CADPS: variants seen among roughly 807,000 people sequenced by gnomAD.
CADPS encodes the protein calcium dependent secretion activator, also known as calcium-dependent secretion activator 1.
CADPS carries 57 observed loss-of-function variants against 167.3 expected under a neutral mutation model. That is an observed-to-expected ratio of 0.34 (90% CI 0.28 to 0.42). The LOEUF is 0.42. CADPS is among the 20% of genes least tolerant of loss of function. The pLI is 1.00. For missense variants in CADPS, 1,414 were observed against 1,738.1 expected, an observed-to-expected ratio of 0.81 and a Z score of 3.32; for synonymous variants, 676 against 635.3, an observed-to-expected ratio of 1.06 and a Z score of -0.96.
chr3:62,571,018 G>C (rs2081191120), intron 8 of CADPS, 80 bp from the exon 9 acceptor site: 1 of 971,890 alleles, frequency 1.0e-6, no homozygotes, highest in African/African-American at 1.6e-5. Flanking sequence ...GTGAAGCTTG[G>C]TACTTATAAA....
chr3:62,540,035 C>T (rs1416156680), intron 11 of CADPS, among the ~76,000 whole-genome samples: 1 of 152,068 alleles, frequency 6.6e-6, no homozygotes, highest in Non-Finnish European at 1.5e-5. Context: ...GTACCTAGGG[C>T]CCTGGCATAT....
chr3:62,675,508 A>G (rs1392524412), intron 3 of CADPS, among the ~76,000 whole-genome samples: 2 of 152,186 alleles, frequency 1.3e-5, no homozygotes. Context: ...AAAGGCAAAT[A>G]TGACCTTGGC....
chr3:62,699,683 C>T (rs1265515874), intron 3 of CADPS, among the ~76,000 whole-genome samples: 6 of 152,112 alleles, frequency 3.9e-5, no homozygotes, highest in Non-Finnish European at 7.4e-5. Flanking sequence ...ATTTTCCTGC[C>T]TCAGCTTCCT....
chr3:62,579,056 C>A (rs2082877749), intron 8 of CADPS, among the ~76,000 whole-genome samples: 1 of 152,194 alleles, frequency 6.6e-6, no homozygotes, highest in Non-Finnish European at 1.5e-5. Flanking sequence ...GTGTTACAAA[C>A]TGTATTCCTT....
intron 3 of CADPS, among the ~76,000 whole-genome samples, chr3:62,706,997 A>G (rs561272745): frequency 7.2e-5 from 11 of 152,100 alleles, no homozygotes; most frequent in Non-Finnish European, 1.2e-4. Flanking sequence ...ATTTATACAA[A>G]AAAAGGATTC....
Position 62,874,603 on chromosome 3 carries a change from G to C in CADPS, c.427C>G (p.Arg143Gly). 6.4e-7 allele frequency: 1 copy of C among 1,554,316 alleles called. No homozygotes were observed. Among genetic ancestry groups the C allele is most frequent in the Non-Finnish European group, 8.7e-7 (1 of 1,148,518 alleles). Residue 143 changes from arginine (R) to glycine (G), a missense_variant, in exon 1 of 30, where the codon CGC becomes GGC. Coordinates refer to ENST00000383710, the MANE Select transcript of CADPS (RefSeq NM_003716.4). This position sits in a 1 kb window ranked among gnomAD's most constrained non-coding sequence, Gnocchi z 7.1. ...FNAKQPTDMA[R>G]RQQKISKQQL... ...GGCGCACCTACCTTCTGCTGCCGGC[G>C]AGCCATGTCGGTGGGCTGCTTGGCA... is the stretch of plus-strand genomic sequence containing the variant.
At chr3:62,574,088 T>A (rs1349549009) in intron 8 of CADPS, among the ~76,000 whole-genome samples, 2 of 152,168 alleles carry the variant, frequency 1.3e-5, no homozygotes, top group South Asian at 4.1e-4. Context: ...CCCATCTCAT[T>A]CCATCCCCAC....
At chr3:62,618,307 T>C (rs938985304) in intron 6 of CADPS, among the ~76,000 whole-genome samples, 2 of 152,058 alleles carry the variant, frequency 1.3e-5, no homozygotes, top group African/African-American at 4.8e-5. Context: ...GATCCAGTCA[T>C]GCCTATAGCC....
chr3:62,442,995 T>A (rs2056610235), intron 27 of CADPS, among the ~76,000 whole-genome samples: 2 of 152,368 alleles, frequency 1.3e-5, no homozygotes, highest in South Asian at 4.1e-4. Flanking sequence ...ATAATATTAT[T>A]AGCTATTAAA....
intron 3 of CADPS, among the ~76,000 whole-genome samples, chr3:62,723,290 C>G (rs1364031820): frequency 1.3e-5 from 2 of 152,140 alleles, no homozygotes; most frequent in East Asian, 3.9e-4. Flanking sequence ...CCGATGAACG[C>G]CAGTAGATAC....
chr3:62,551,034 C>A (rs1199466789), intron 10 of CADPS: 4 of 420,636 alleles, frequency 9.5e-6, no homozygotes, highest in South Asian at 7.0e-5. Flanking sequence ...TCCTTAGAAG[C>A]ACCCTCTCTC....
At chr3:62,858,839 A>G (rs2080203355) in intron 1 of CADPS, among the ~76,000 whole-genome samples, 1 of 152,164 alleles carries the variant, frequency 6.6e-6, no homozygotes, top group Non-Finnish European at 1.5e-5. Context: ...GCTTTATGAT[A>G]GGCAGGTTAA....
intron 19 of CADPS, 28 bp downstream of exon 19, chr3:62,493,614 CTCT>C (rs777584399): frequency 3.3e-5 from 51 of 1,543,122 alleles, no homozygotes; most frequent in African/African-American, 1.1e-4. Context: ...GGGTCCACCT[CTCT>C]TCTTTCACGA....
chr3:62,587,469 G>A (rs1360132569), intron 7 of CADPS, among the ~76,000 whole-genome samples: 1 of 152,164 alleles, frequency 6.6e-6, no homozygotes, highest in Non-Finnish European at 1.5e-5. Context: ...CCTCCATCCT[G>A]AGCTGGTCTG....
intron 6 of CADPS, among the ~76,000 whole-genome samples, chr3:62,606,795 A>G (rs7616325): frequency 0.015 from 2,331 of 152,304 alleles, 66 homozygotes; most frequent in African/African-American, 0.053. Context: ...CAATGTGAGC[A>G]AAGCCTCCTC....
intron 3 of CADPS, among the ~76,000 whole-genome samples, chr3:62,720,510 AT>A (rs1170079925): frequency 6.6e-6 from 1 of 151,912 alleles, no homozygotes; most frequent in Non-Finnish European, 1.5e-5. Flanking sequence ...TTTTTAGAAA[AT>A]TATTTTTTGT....
At chr3:62,776,267 G>T (rs969801863) in intron 1 of CADPS, among the ~76,000 whole-genome samples, 1 of 152,128 alleles carries the variant, frequency 6.6e-6, no homozygotes, top group Non-Finnish European at 1.5e-5. Flanking sequence ...ACAGTACAGG[G>T]GCTTGCATGC....
chr3:62,402,981 G>T, intron 29 of CADPS, 100 bp downstream of exon 29: 1 of 665,076 alleles, frequency 1.5e-6, no homozygotes, highest in Non-Finnish European at 2.5e-6. Flanking sequence ...TATTTTATAT[G>T]TAAACTAATA....
At chr3:62,697,403 C>T (rs2080518131) in intron 3 of CADPS, among the ~76,000 whole-genome samples, 1 of 152,032 alleles carries the variant, frequency 6.6e-6, no homozygotes, top group Admixed American at 6.6e-5. Flanking sequence ...AACTTAGTCT[C>T]CAGTTCCATC....
Sources: allele counts gnomAD v4.1 joint callset (sites outside exome capture counted in the v4.1 genomes callset), GRCh38; gene constraint gnomAD v4.1.1; non-coding constraint Gnocchi (gnomAD v3.1); transcripts MANE v1.5; gene names NCBI Gene and HGNC (gene_info 2026-07-23, HGNC 2026-07-21).